Variants in CCNT2 observed in about 807,000 individuals in gnomAD.
The protein encoded by CCNT2 is cyclin T2.
A neutral mutation model predicts 70.0 loss-of-function variants in CCNT2; 18 were observed. The observed-to-expected ratio is 0.26, with a 90% confidence interval of 0.18 to 0.38. The LOEUF is 0.38. CCNT2 is among the 10% of genes least tolerant of loss of function. CCNT2 has a pLI of 1.00. For missense variants in CCNT2, 734 were observed against 890.2 expected (o/e 0.82, Z 2.23); for synonymous variants, 334 against 313.3 (o/e 1.07, Z -0.70).
At chr2:134,931,262 C>CTTGTTTTTTTTTTTTTTTTTTTTTTTT (rs1680737473) in intron 2 of CCNT2, among the ~76,000 whole-genome samples, 1 of 42,418 alleles carries the variant, frequency 2.4e-5, no homozygotes, top group Admixed American at 4.3e-4. Context: ...ATGCCCGGAT[C>CTTGTTTTTTTTTTTTTTTTTTTTTTTT]TTTTTTTTTT....
Position 134,953,417 on chromosome 2 carries a change from C to G in CCNT2, c.962C>G (p.Ser321Cys). 1 of 1,608,304 alleles carries G rather than the reference C, an allele frequency of 6.2e-7. No individual in the cohort carries two copies. The highest frequency in any genetic ancestry group is 8.5e-7 in the Non-Finnish European group (1 of 1,176,990). The change falls in exon 9 of 9, where the codon TCT becomes TGT. Residue 321 changes from serine to cysteine, a missense_variant. Coordinates refer to ENST00000264157, the MANE Select transcript of CCNT2 (RefSeq NM_058241.3). ...APVPLNSGNI[S>C]VQDSHTSDNL... The stretch of plus-strand genomic sequence containing the variant: ...GTACCTCTAAATTCAGGAAATATTT[C>G]TGTTCAAGACAGCCATACATCTGAT...
At chr2:134,942,898 TA>T in intron 5 of CCNT2, 1 of 1,328,790 alleles carries the variant, frequency 7.5e-7, no homozygotes, top group East Asian at 3.0e-5. Context: ...CTCATTTCAC[TA>T]AAACTCCGGA....
At chr2:134,939,420 C>T (rs1325993333) in intron 4 of CCNT2, among the ~76,000 whole-genome samples, 3 of 152,098 alleles carry the variant, frequency 2.0e-5, no homozygotes, top group East Asian at 1.9e-4. Context: ...CTCGAGCTGC[C>T]AGTCAGTATT....
In CCNT2 at chr2:134,942,416, C is replaced by T. The variant is rs45600537; in HGVS notation, c.431-196C>T. Among the ~76,000 whole-genome samples, 6 of 152,198 alleles carry T rather than the reference C, an allele frequency of 3.9e-5. No individual in the cohort carries two copies. In the East Asian group the frequency reaches 1.2e-3, roughly 29 times the overall value. The stretch of plus-strand genomic sequence containing the variant: ...AATAAATTTACCCTTGGTCTTTTAA[C>T]TTTATTTTCATAATTGAGACATTGT... On this transcript the variant is annotated intron_variant, in intron 4 of 8. Transcript: ENST00000264157.
intron 2 of CCNT2, among the ~76,000 whole-genome samples, chr2:134,927,645 G>A (rs1318906731): frequency 6.6e-6 from 1 of 152,116 alleles, no homozygotes; most frequent in Non-Finnish European, 1.5e-5. Flanking sequence ...TGATTTTCAA[G>A]GCCATTGCAG....
Position 134,929,988 on chromosome 2 carries a change from A to AG in CCNT2, c.241-6853_241-6852insG, listed in dbSNP as rs1414221464. Among the ~76,000 whole-genome samples the AG allele has an allele frequency of 6.0e-5, 9 of 150,400 alleles. No homozygotes were observed. In the East Asian group the frequency reaches 1.4e-3, roughly 24 times the overall value. On this transcript the variant is annotated intron_variant, in intron 2 of 8. Transcript: ENST00000264157. ...TTTAACGTTAGCTCCTTAAAAAAAA[A>AG]AGAGAGAGAGAGAGATACAATTCAT...
At chr2:134,949,251 G>C (rs528696557) in intron 7 of CCNT2, among the ~76,000 whole-genome samples, 102 of 152,294 alleles carry the variant, frequency 6.7e-4, no homozygotes, top group African/African-American at 2.2e-3. Context: ...CAAAGGGCTG[G>C]GATTACAGGT....
At chr2:134,947,471 T>C (rs188282220) in intron 6 of CCNT2, among the ~76,000 whole-genome samples, 9 of 152,280 alleles carry the variant, frequency 5.9e-5, no homozygotes, top group African/African-American at 9.6e-5. Flanking sequence ...ATAAAATACT[T>C]CAATTTTAGA....
At chr2:134,922,514 A>G (rs1249996681) in intron 2 of CCNT2, among the ~76,000 whole-genome samples, 3 of 152,202 alleles carry the variant, frequency 2.0e-5, no homozygotes, top group African/African-American at 7.2e-5. Flanking sequence ...TCAGAGTTGA[A>G]TAGCTGTCAG....
rs1338907545 is a variant in CCNT2, at chr2:134,957,989, T to C, written c.*3341T>C. ...TTCAGAGAACCAATATGAAATGTTT[T>C]TGTTAGTACAAAATACCATTGCCTT... On this transcript the variant is annotated 3_prime_UTR_variant, in exon 9 of 9. Transcript: ENST00000264157. 4 of 152,250 alleles carry C rather than the reference T, an allele frequency of 2.6e-5. No individual in the cohort carries two copies. Among genetic ancestry groups the C allele is most frequent in the African/African-American group, 9.6e-5 (4 of 41,480 alleles). 9.4% of individuals were successfully genotyped at this position (152,250 alleles called of 1,614,324 possible).
intron 7 of CCNT2, among the ~76,000 whole-genome samples, chr2:134,951,542 T>C (rs1040115851): frequency 1.3e-5 from 2 of 152,044 alleles, no homozygotes; most frequent in African/African-American, 4.8e-5. Flanking sequence ...GGAGGAATTT[T>C]CCCCTTTAAA....
chr2:134,944,325 GC>G, intron 5 of CCNT2: 2 of 974,928 alleles, frequency 2.1e-6, no homozygotes, highest in Non-Finnish European at 2.4e-6. Context: ...TAAATTAAGA[GC>G]CTATTGAAGA....
Position 134,953,442 on chromosome 2 carries a change from T to C in CCNT2, c.987T>C (p.Asp329=). The C allele has an allele frequency of 6.2e-7, 1 of 1,613,224 alleles. No homozygotes were observed. The highest frequency in any genetic ancestry group is 8.5e-7 in the Non-Finnish European group (1 of 1,179,456). The part of the protein sequence containing the change: ...NISVQDSHTS[D]NLSMLATGMP... ...CTGTTCAAGACAGCCATACATCTGA[T>C]AATTTGTCAATGCTAGCAACAGGAA... is the stretch of plus-strand genomic sequence containing the variant. The change falls in exon 9 of 9, where the codon GAT becomes GAC. Residue 329 remains aspartate (D), a synonymous_variant. Coordinates refer to ENST00000264157, the MANE Select transcript of CCNT2 (RefSeq NM_058241.3).
intron 2 of CCNT2, among the ~76,000 whole-genome samples, chr2:134,936,045 A>G (rs1471968038): frequency 1.3e-5 from 2 of 151,940 alleles, no homozygotes; most frequent in East Asian, 3.9e-4. Flanking sequence ...TGTGGTAGTT[A>G]TAGCCACACA....
intron 4 of CCNT2, 150 bp from the exon 5 acceptor site, chr2:134,942,462 T>G: frequency 2.3e-6 from 1 of 425,948 alleles, no homozygotes; most frequent in Non-Finnish European, 4.2e-6. Flanking sequence ...TTATATCTTG[T>G]CATTGGAAAA....
rs139326960 is a variant in CCNT2 at position 134,942,931 on chromosome 2, C to T, written c.493+257C>T. The stretch of plus-strand genomic sequence containing the variant: ...CGGAGGGCTTCCAAGTATTAGGACT[C>T]TATCCATCCCCCATTGAGCTTTGCT... On this transcript the variant is annotated intron_variant, in intron 5 of 8. Coordinates refer to ENST00000264157, the MANE Select transcript of CCNT2 (RefSeq NM_058241.3). 434 of 985,244 alleles carry T rather than the reference C, an allele frequency of 4.4e-4. 1 individual carries two copies. The African/African-American group carries it at 5.7e-3, about 13-fold the overall frequency. The allele number at this position is 985,244 out of a possible 1,614,324, so 61.0% of individuals were successfully genotyped here. A position where few individuals can be genotyped will look rare whatever the true frequency, so the allele number is the denominator to read the frequency against.
rs749781251 is a variant in CCNT2 at position 134,954,188 on chromosome 2, C to T, written c.1733C>T (p.Ser578Leu). ...ACCAGCAGCCACAAGCATTCCCACT[C>T]GCATAGTGGCAGCAGCAGCGGTGGC... ...HHTSSHKHSH[S>L]HSGSSSGGSK... is the part of the protein sequence containing the mutation. The change falls in exon 9 of 9, where the codon TCG (serine) becomes TTG (leucine). Residue 578 changes from serine to leucine, a missense_variant. This residue lies in a region of CCNT2 where 532 missense variants were observed against 556.9 expected (regional missense o/e 0.96). Transcript: ENST00000264157. 5.6e-6 allele frequency: 9 copies of T among 1,613,984 alleles called. No homozygotes were observed. The highest frequency in any genetic ancestry group is 2.2e-5 in the East Asian group (1 of 44,894).
intron 2 of CCNT2, among the ~76,000 whole-genome samples, chr2:134,922,990 C>A (rs1428328502): frequency 6.6e-6 from 1 of 152,006 alleles, no homozygotes; most frequent in Non-Finnish European, 1.5e-5. Context: ...AGATTTAAAG[C>A]TATTGTAGGG....
At chr2:134,952,798 A>G in intron 8 of CCNT2, 87 bp downstream of exon 8, 1 of 946,222 alleles carries the variant, frequency 1.1e-6, no homozygotes, top group Non-Finnish European at 1.7e-6. Context: ...GTGGTTAAAT[A>G]ATCTTTGCAG....
Sources: gnomAD v4.1 joint callset for allele counts (sites outside exome capture counted in the v4.1 genomes callset) on GRCh38, gnomAD v4.1.1 for gene constraint, gnomAD v4.1.1 regional missense constraint, MANE v1.5 for transcripts, NCBI Gene and HGNC (gene_info 2026-07-23, HGNC 2026-07-21) for gene names.